The following PLCXD2 variants were observed in gnomAD, a reference collection of about 807,000 sequenced individuals.
PLCXD2 encodes phosphatidylinositol specific phospholipase C X domain containing 2.
Under a neutral mutation model 28.6 loss-of-function variants are expected in PLCXD2, and 21 were observed. The observed-to-expected ratio is 0.73, with a 90% confidence interval of 0.52 to 1.06. The LOEUF (loss-of-function observed/expected upper bound fraction) is 1.06, where lower values mean the gene tolerates loss of function less well. Ranked by LOEUF, PLCXD2 falls within the 50% of genes least tolerant of loss-of-function variation. The pLI, the probability that PLCXD2 is intolerant of heterozygous loss-of-function variation, is 0.00. For synonymous variants in PLCXD2, 140 were observed against 150.1 expected (o/e 0.93, Z 0.49); for missense variants, 369 against 376.7 (o/e 0.98, Z 0.17).
intron 1 of PLCXD2, among the ~76,000 whole-genome samples, chr3:111,686,136 C>T (rs1940791364): frequency 6.6e-6 from 1 of 152,192 alleles, no homozygotes. Flanking sequence ...TTGTTTCACA[C>T]ATAGATACTT....
At chr3:111,688,807 C>G (rs13323806) in intron 1 of PLCXD2, among the ~76,000 whole-genome samples, 2 of 151,422 alleles carry the variant, frequency 1.3e-5, no homozygotes, top group Admixed American at 6.6e-5. Flanking sequence ...AAGAATTAAA[C>G]AAGATAAATG....
Position 111,702,721 on chromosome 3 carries a change from T to C in PLCXD2, c.164-5205T>C, listed in dbSNP as rs990114405. 2.0e-5 allele frequency among the ~76,000 whole-genome samples: 3 copies of C among 152,196 alleles called. No homozygotes were observed. In the South Asian group the frequency reaches 6.2e-4, roughly 32 times the overall value. On this transcript the variant is annotated intron_variant, in intron 1 of 4. Transcript: ENST00000477665. Reference sequence around the variant, plus strand: ...ATTCTCTTAGAGAATAAGGCAAGGATCAGTGGTGCAGGGTATTTTCCTCCT... The same window carrying C: ...ATTCTCTTAGAGAATAAGGCAAGGACCAGTGGTGCAGGGTATTTTCCTCCT...
intron 2 of PLCXD2, among the ~76,000 whole-genome samples, chr3:111,712,582 C>G (rs1161055833): frequency 6.6e-6 from 1 of 152,184 alleles, no homozygotes; most frequent in East Asian, 1.9e-4. Flanking sequence ...CAGCCGTTAC[C>G]CAGTTCAGTG....
chr3:111,697,426 A>G (rs560405614), intron 1 of PLCXD2, among the ~76,000 whole-genome samples: 3 of 152,362 alleles, frequency 2.0e-5, no homozygotes, highest in Non-Finnish European at 4.4e-5. Context: ...ATGAACTAAC[A>G]TAAACTTGGC....
chr3:111,700,235 C>T (rs1260802328), intron 1 of PLCXD2, among the ~76,000 whole-genome samples: 3 of 152,138 alleles, frequency 2.0e-5, no homozygotes, highest in Non-Finnish European at 4.4e-5. Flanking sequence ...AAAGTGCTTT[C>T]ACATACATGA....
At chr3:111,693,662 A>G (rs1040694910) in intron 1 of PLCXD2, among the ~76,000 whole-genome samples, 1 of 152,184 alleles carries the variant, frequency 6.6e-6, no homozygotes, top group Non-Finnish European at 1.5e-5. Context: ...AGATCGATAT[A>G]TCTTGCTTCT....
At chr3:111,708,479 G>A in intron 2 of PLCXD2, 93 bp downstream of exon 2, 1 of 1,178,404 alleles carries the variant, frequency 8.5e-7, no homozygotes, top group Non-Finnish European at 1.2e-6. Flanking sequence ...TCAATCCAGG[G>A]CTCTTAGGCT....
intron 2 of PLCXD2, among the ~76,000 whole-genome samples, chr3:111,711,090 G>A (rs182258032): frequency 2.3e-3 from 356 of 152,258 alleles, no homozygotes; most frequent in African/African-American, 8.1e-3. Context: ...TCTTTCCCAT[G>A]TTTTTCCTGC....
At chr3:111,680,458 G>GA (rs5851774) in intron 1 of PLCXD2, among the ~76,000 whole-genome samples, 7,932 of 145,550 alleles carry the variant, frequency 0.054, 273 homozygotes, top group Non-Finnish European at 0.078. Context: ...ACTCAATCAT[G>GA]AAAAAAAAAA....
chr3:111,710,581 T>C (rs1941186830), intron 2 of PLCXD2, among the ~76,000 whole-genome samples: 1 of 152,240 alleles, frequency 6.6e-6, no homozygotes, highest in South Asian at 2.1e-4. Context: ...GCAGGCTTTC[T>C]GGCTTTCCAG....
At chr3:111,726,180 C>T in intron 3 of PLCXD2, 2 of 292,986 alleles carry the variant, frequency 6.8e-6, no homozygotes, top group Non-Finnish European at 1.2e-5. Flanking sequence ...TAGCTCTGTA[C>T]ATTTGCAGTT....
At chr3:111,705,916 G>A (rs185218324) in intron 1 of PLCXD2, among the ~76,000 whole-genome samples, 1 of 149,900 alleles carries the variant, frequency 6.7e-6, no homozygotes, top group East Asian at 2.1e-4. Context: ...GCCGTGGTAC[G>A]ATGTTTGTCA....
At chr3:111,715,269 C>G (rs56108816) in intron 3 of PLCXD2, among the ~76,000 whole-genome samples, 19,840 of 152,124 alleles carry the variant, frequency 0.13, 1,433 homozygotes, top group African/African-American at 0.18. Context: ...GAATTAGAAG[C>G]TTTATTGTTT....
chr3:111,706,139 A>G (rs1431887012), intron 1 of PLCXD2, among the ~76,000 whole-genome samples: 2 of 152,172 alleles, frequency 1.3e-5, no homozygotes, highest in Non-Finnish European at 2.9e-5. Flanking sequence ...GATCACACTC[A>G]TGAGCTACCA....
In PLCXD2 at chr3:111,688,451, G is replaced by A. The variant is rs75795195; in HGVS notation, c.163+13043G>A. On this transcript the variant is annotated intron_variant, in intron 1 of 4. Coordinates refer to ENST00000477665, the MANE Select transcript of PLCXD2 (RefSeq NM_001185106.1). ...TGGACAGTGTTTCTTTCCTCGTATTGATGTGTGACAGTACCACACAAAGTA... is the reference window on the plus strand; with the variant it reads ...TGGACAGTGTTTCTTTCCTCGTATTAATGTGTGACAGTACCACACAAAGTA... 5.5e-3 allele frequency among the ~76,000 whole-genome samples: 845 copies of A among 152,298 alleles called. 10 individuals carry two copies. Among genetic ancestry groups the A allele is most frequent in the African/African-American group, 0.019 (793 of 41,560 alleles).
intron 1 of PLCXD2, among the ~76,000 whole-genome samples, chr3:111,703,661 T>C (rs769713131): frequency 6.6e-6 from 1 of 152,214 alleles, no homozygotes; most frequent in Non-Finnish European, 1.5e-5. Context: ...GAGAACTCAC[T>C]ATTCACCATC....
intron 1 of PLCXD2, among the ~76,000 whole-genome samples, chr3:111,701,189 A>C (rs1022225060): frequency 6.6e-6 from 1 of 152,226 alleles, no homozygotes; most frequent in Non-Finnish European, 1.5e-5. Context: ...ACAGTTCAGC[A>C]CTTACTAAGT....
chr3:111,689,824 T>TAACG (rs1163917385), intron 1 of PLCXD2, among the ~76,000 whole-genome samples: 4 of 152,222 alleles, frequency 2.6e-5, no homozygotes, highest in African/African-American at 9.6e-5. Context: ...AAGCAAGTAG[T>TAACG]AACGCCTAAG....
chr3:111,726,578 C>A (rs1290454630), intron 3 of PLCXD2: 2 of 152,100 alleles, frequency 1.3e-5, no homozygotes, highest in African/African-American at 4.8e-5. Flanking sequence ...ATAAAGTATA[C>A]CAATTTTAAG....
Sources: gnomAD v4.1 joint callset for allele counts (sites outside exome capture counted in the v4.1 genomes callset) on GRCh38, gnomAD v4.1.1 for gene constraint, MANE v1.5 for transcripts, NCBI Gene and HGNC (gene_info 2026-07-23, HGNC 2026-07-21) for gene names.